HEMK2: variants seen among roughly 807,000 people sequenced by gnomAD.
HEMK2 encodes methyltransferase HEMK2.
the HEMK2 span, among the ~76,000 whole-genome samples, chr21:28,577,767 TTTTA>T: frequency 6.6e-6 from 1 of 152,176 alleles, no homozygotes; most frequent in Non-Finnish European, 1.5e-5. Context: ...CATCATGTAG[TTTTA>T]TTTGATAAAT....
At chr21:28,768,653 A>C in the HEMK2 span, among the ~76,000 whole-genome samples, 1 of 152,018 alleles carries the variant, frequency 6.6e-6, no homozygotes, top group African/African-American at 2.4e-5. Context: ...CCAATGGAGC[A>C]TCTCATGGTC....
At chr21:28,868,506 A>T in the HEMK2 span, among the ~76,000 whole-genome samples, 1 of 151,702 alleles carries the variant, frequency 6.6e-6, no homozygotes, top group African/African-American at 2.4e-5. Context: ...ACATGGTGAG[A>T]CCCCCGTCTC....
the HEMK2 span, among the ~76,000 whole-genome samples, chr21:28,719,862 C>T: frequency 6.6e-6 from 1 of 152,216 alleles, no homozygotes; most frequent in Non-Finnish European, 1.5e-5. Flanking sequence ...TCTCTCAGTG[C>T]TTTCATGGCC....
At chr21:28,861,222 A>G in the HEMK2 span, among the ~76,000 whole-genome samples, 152,352 of 152,356 alleles carry the variant, frequency 1, 76,174 homozygotes, top group Middle Eastern at 1. Flanking sequence ...ACTGGATCAC[A>G]AGATGGCAGG....
At chr21:28,588,583 C>T in the HEMK2 span, among the ~76,000 whole-genome samples, 2 of 152,064 alleles carry the variant, frequency 1.3e-5, no homozygotes, top group African/African-American at 2.4e-5. Flanking sequence ...GAAAGTCAGT[C>T]GATTGATGAA....
At chr21:28,699,370 T>C in the HEMK2 span, among the ~76,000 whole-genome samples, 1 of 152,212 alleles carries the variant, frequency 6.6e-6, no homozygotes, top group African/African-American at 2.4e-5. Flanking sequence ...TCGTGCCTTG[T>C]AGCTATGTCC....
chr21:28,680,184 A>C, the HEMK2 span, among the ~76,000 whole-genome samples: 1 of 152,234 alleles, frequency 6.6e-6, no homozygotes, highest in African/African-American at 2.4e-5. Context: ...AGAGAGAAGA[A>C]TCAAATAGAT....
the HEMK2 span, among the ~76,000 whole-genome samples, chr21:28,642,792 C>T: frequency 6.6e-6 from 1 of 152,208 alleles, no homozygotes; most frequent in African/African-American, 2.4e-5. Context: ...ACAGTTGCTT[C>T]TCTGCTCACT....
chr21:28,701,658 A>G, the HEMK2 span, among the ~76,000 whole-genome samples: 3 of 151,974 alleles, frequency 2.0e-5, no homozygotes, highest in African/African-American at 7.3e-5. Context: ...AGAATTATAA[A>G]ACACTGTTCA....
the HEMK2 span, among the ~76,000 whole-genome samples, chr21:28,844,955 G>T: frequency 2.6e-5 from 4 of 151,940 alleles, no homozygotes; most frequent in African/African-American, 9.7e-5. Flanking sequence ...TCTGTCTATT[G>T]TTTTATTTAT....
the HEMK2 span, among the ~76,000 whole-genome samples, chr21:28,867,417 C>G: frequency 6.6e-6 from 1 of 152,136 alleles, no homozygotes; most frequent in Non-Finnish European, 1.5e-5. Context: ...TCACCAAGGG[C>G]AAGTGAAAAA....
At chr21:28,728,131 G>A in the HEMK2 span, among the ~76,000 whole-genome samples, 2 of 152,310 alleles carry the variant, frequency 1.3e-5, no homozygotes, top group Non-Finnish European at 2.9e-5. Context: ...TAAGTTTGTG[G>A]TAATTTGCTA....
At chr21:28,578,644 G>A in the HEMK2 span, among the ~76,000 whole-genome samples, 11 of 152,066 alleles carry the variant, frequency 7.2e-5, no homozygotes, top group Non-Finnish European at 1.6e-4. Flanking sequence ...ATTATCATAC[G>A]GACTGGCAGG....
chr21:28,699,215 T>C, the HEMK2 span, among the ~76,000 whole-genome samples: 755 of 152,302 alleles, frequency 5.0e-3, 6 homozygotes, highest in African/African-American at 0.017. Flanking sequence ...TCTTAGTCTG[T>C]TTGTGTTACT....
the HEMK2 span, among the ~76,000 whole-genome samples, chr21:28,836,748 C>A: frequency 1.3e-5 from 2 of 152,094 alleles, no homozygotes; most frequent in African/African-American, 4.8e-5. Context: ...AACCAACCAT[C>A]TGCTGCCTTC....
chr21:28,641,250 T>C, the HEMK2 span, among the ~76,000 whole-genome samples: 2 of 152,158 alleles, frequency 1.3e-5, no homozygotes, highest in African/African-American at 2.4e-5. Context: ...AGTTTTCATA[T>C]TTCGGATCCA....
At chr21:28,775,492 C>T in the HEMK2 span, among the ~76,000 whole-genome samples, 1 of 152,002 alleles carries the variant, frequency 6.6e-6, no homozygotes, top group Admixed American at 6.6e-5. Flanking sequence ...AAAAGTATCA[C>T]TATGTAAATC....
chr21:28,795,761 A>C, the HEMK2 span, among the ~76,000 whole-genome samples: 2 of 152,208 alleles, frequency 1.3e-5, no homozygotes, highest in Non-Finnish European at 2.9e-5. Flanking sequence ...GTGAATTTGG[A>C]GCACAGGTTT....
chr21:28,654,709 G>T, the HEMK2 span, among the ~76,000 whole-genome samples: 1 of 152,048 alleles, frequency 6.6e-6, no homozygotes, highest in African/African-American at 2.4e-5. Flanking sequence ...AATGAAATCT[G>T]CTTGGAATTC....
Sources: gnomAD v4.1 joint callset for allele counts (sites outside exome capture counted in the v4.1 genomes callset) on GRCh38, gnomAD v4.1.1 for gene constraint, MANE v1.5 for transcripts, NCBI Gene and HGNC (gene_info 2026-07-23, HGNC 2026-07-21) for gene names.